SEC23IP: variants seen among roughly 807,000 people sequenced by gnomAD.
The protein encoded by SEC23IP is SEC23-interacting protein.
Under a neutral mutation model 113.4 loss-of-function variants are expected in SEC23IP, and 70 were observed. The ratio of observed to expected loss-of-function variants is 0.62; its 90% CI spans 0.51 to 0.75. The LOEUF is 0.75. Ranked by LOEUF, SEC23IP falls within the 30% of genes least tolerant of loss-of-function variation. The pLI, the probability that SEC23IP is intolerant of heterozygous loss-of-function variation, is 0.00. For synonymous variants in SEC23IP, 398 were observed against 421.0 expected (o/e 0.95, Z 0.67); for missense variants, 1,160 against 1,204.9 (o/e 0.96, Z 0.55).
chr10:119,913,899 C>T lies in SEC23IP; in HGVS notation c.1313-831C>T, dbSNP rs573206063. 4.7e-4 allele frequency among the ~76,000 whole-genome samples: 71 copies of T among 152,082 alleles called. 3 individuals carry two copies. Among genetic ancestry groups the T allele is most frequent in the Middle Eastern group, 3.4e-3 (1 of 292 alleles). On this transcript the variant is annotated intron_variant, in intron 6 of 18. Coordinates refer to ENST00000369075, the MANE Select transcript of SEC23IP (RefSeq NM_007190.4). ...GGGCCTGGTGGCTCACGCCTGTAAT[C>T]CCAGCATTTTGGGAGGCCGAGGCAA...
At position 119,926,102 on chromosome 10, in the gene SEC23IP, C is replaced by G. The variant is rs1855410529; in HGVS notation, c.2188C>G (p.Gln730Glu). 1.9e-6 allele frequency: 3 copies of G among 1,614,084 alleles called. No homozygotes were observed. Residue 730 changes from glutamine to glutamate, a missense_variant, in exon 13 of 19, where the codon CAG (glutamine) becomes GAG (glutamate). Gln to Glu is a conservative substitution (Grantham distance 29). Coordinates refer to ENST00000369075, the MANE Select transcript of SEC23IP (RefSeq NM_007190.4). The stretch of plus-strand genomic sequence containing the variant: ...TACAAAAGGACAAGAGCAAAGTGCC[C>G]AGAAGACTAAAGACATGGCTTCCCT... ...TSTKGQEQSA[Q>E]KTKDMASLPS...
chr10:119,923,002 T>TAAA (rs57132392), intron 12 of SEC23IP, among the ~76,000 whole-genome samples: 22 of 145,384 alleles, frequency 1.5e-4, no homozygotes, highest in Non-Finnish European at 2.6e-4. Flanking sequence ...CAAAAGCCTA[T>TAAA]AAAAAAAAAA....
intron 18 of SEC23IP, among the ~76,000 whole-genome samples, chr10:119,936,059 T>C (rs1395379375): frequency 6.6e-6 from 1 of 152,216 alleles, no homozygotes; most frequent in African/African-American, 2.4e-5. Context: ...ATACGTGATA[T>C]TTTAATAGTT....
At chr10:119,905,231 A>G (rs1451341104) in intron 4 of SEC23IP, among the ~76,000 whole-genome samples, 1 of 152,210 alleles carries the variant, frequency 6.6e-6, no homozygotes, top group Non-Finnish European at 1.5e-5. Flanking sequence ...TCTATAGCTT[A>G]ATTTTAGATA....
chr10:119,927,156 G>T (rs538092829), intron 13 of SEC23IP, among the ~76,000 whole-genome samples: 1 of 152,118 alleles, frequency 6.6e-6, no homozygotes, highest in South Asian at 2.1e-4. Flanking sequence ...ACTTGGCTTC[G>T]CAAAGTGCCA....
At chr10:119,931,589 G>C (rs1224084721) in intron 15 of SEC23IP, among the ~76,000 whole-genome samples, 1 of 147,126 alleles carries the variant, frequency 6.8e-6, no homozygotes, top group Non-Finnish European at 1.5e-5. Flanking sequence ...GTCTTGCTCT[G>C]TTGCCCAGGC....
chr10:119,932,038 T>TA, intron 15 of SEC23IP, 95 bp from the exon 16 acceptor site: 2 of 770,982 alleles, frequency 2.6e-6, no homozygotes, highest in Admixed American at 4.2e-5. Flanking sequence ...GAAACAGTCT[T>TA]ATCCTGTCTG....
Position 119,944,279 on chromosome 10 carries a change from C to G in SEC23IP, c.*3714C>G, listed in dbSNP as rs542340270. 1 of 152,370 alleles carries G rather than the reference C, an allele frequency of 6.6e-6. No homozygotes were observed. Among genetic ancestry groups the G allele is most frequent in the African/African-American group, 2.4e-5 (1 of 41,590 alleles). 9.4% of individuals were successfully genotyped at this position (152,370 alleles called of 1,614,324 possible). A position where few individuals can be genotyped will look rare whatever the true frequency, so the allele number is the denominator to read the frequency against. On this transcript the variant is annotated 3_prime_UTR_variant, in exon 19 of 19. Coordinates refer to ENST00000369075, the MANE Select transcript of SEC23IP (RefSeq NM_007190.4). ...TGCCACCTTGTGAAGAAGGTGCCTG[C>G]TTCCCCTTTGCCTTTCGTCACAATT...
rs1855539214 is a variant in SEC23IP at position 119,929,895 on chromosome 10, C to T, written c.2469+133C>T. ...AACTCCTGGCCTCAAGTGATCCTTCCATCACAGCCTCCCAAATCGCTAGGA... is the reference window on the plus strand; with the variant it reads ...AACTCCTGGCCTCAAGTGATCCTTCTATCACAGCCTCCCAAATCGCTAGGA... On this transcript the variant is annotated intron_variant, in intron 14 of 18. Transcript: ENST00000369075. 12 of 593,812 alleles carry T rather than the reference C, an allele frequency of 2.0e-5. 1 individual carries two copies. In the East Asian group the frequency reaches 2.6e-4, roughly 13 times the overall value. The allele number at this position is 593,812 out of a possible 1,614,324, so 36.8% of individuals were successfully genotyped here. A position where few individuals can be genotyped will look rare whatever the true frequency, so the allele number is the denominator to read the frequency against.
At chr10:119,897,447 A>G (rs1854315561) in intron 1 of SEC23IP, among the ~76,000 whole-genome samples, 1 of 152,200 alleles carries the variant, frequency 6.6e-6, no homozygotes, top group South Asian at 2.1e-4. Flanking sequence ...CTTCTCAGCA[A>G]TTTGGTATTC....
At chr10:119,920,849 C>T (rs1330209585) in intron 11 of SEC23IP, 40 bp from the exon 12 acceptor site, 2 of 1,309,862 alleles carry the variant, frequency 1.5e-6, no homozygotes, top group African/African-American at 1.5e-5. Flanking sequence ...GTTCTTCTAT[C>T]ACTAGATTGA....
At chr10:119,920,031 G>T (rs1223696443) in intron 11 of SEC23IP, among the ~76,000 whole-genome samples, 1 of 152,142 alleles carries the variant, frequency 6.6e-6, no homozygotes, top group African/African-American at 2.4e-5. Context: ...ACTCATAAGA[G>T]AAATGGAAAT....
intron 17 of SEC23IP, among the ~76,000 whole-genome samples, chr10:119,933,369 T>G (rs531823830): frequency 6.6e-6 from 1 of 152,308 alleles, no homozygotes; most frequent in African/African-American, 2.4e-5. Flanking sequence ...CAAAGACCCT[T>G]GGTTCTTGCA....
At chr10:119,938,627 T>C (rs1245571479) in intron 18 of SEC23IP, among the ~76,000 whole-genome samples, 5 of 152,196 alleles carry the variant, frequency 3.3e-5, no homozygotes, top group African/African-American at 1.2e-4. Context: ...AAGTTCTCAG[T>C]ATACCATAGT....
chr10:119,908,633 G>A (rs968866254), intron 4 of SEC23IP, among the ~76,000 whole-genome samples: 1 of 152,220 alleles, frequency 6.6e-6, no homozygotes, highest in Non-Finnish European at 1.5e-5. Context: ...ACCACCAGAA[G>A]CTAGGAAGAG....
intron 2 of SEC23IP, among the ~76,000 whole-genome samples, chr10:119,901,011 C>A (rs1380755459): frequency 2.9e-3 from 258 of 87,688 alleles, no homozygotes; most frequent in Middle Eastern, 7.6e-3. Context: ...AAATTTTTTT[C>A]TTTTTCTTCT....
chr10:119,929,831 T>C, intron 14 of SEC23IP, 69 bp downstream of exon 14: 1 of 1,110,866 alleles, frequency 9.0e-7, no homozygotes, highest in Non-Finnish European at 1.3e-6. Flanking sequence ...TACTTTTTTA[T>C]AGAGATGGGG....
chr10:119,937,361 C>T (rs1004458381), intron 18 of SEC23IP, among the ~76,000 whole-genome samples: 2 of 151,812 alleles, frequency 1.3e-5, no homozygotes, highest in African/African-American at 4.8e-5. Flanking sequence ...CATGATGGCT[C>T]ACGCCTGTAA....
intron 5 of SEC23IP, 93 bp from the exon 6 acceptor site, chr10:119,911,951 C>A: frequency 7.0e-7 from 1 of 1,433,132 alleles, no homozygotes; most frequent in South Asian, 1.3e-5. Flanking sequence ...TCTCCGTACT[C>A]TGAGGTATAG....
Sources: allele counts gnomAD v4.1 joint callset (sites outside exome capture counted in the v4.1 genomes callset), GRCh38; gene constraint gnomAD v4.1.1; transcripts MANE v1.5; gene names NCBI Gene and HGNC (gene_info 2026-07-23, HGNC 2026-07-21).